CHEK1: variants seen among roughly 807,000 people sequenced by gnomAD.
The protein encoded by CHEK1 is serine/threonine-protein kinase Chk1.
CHEK1 carries 32 observed loss-of-function variants against 60.2 expected under a neutral mutation model. That is an observed-to-expected ratio of 0.53 (90% confidence interval 0.40 to 0.71). The LOEUF (loss-of-function observed/expected upper bound fraction) is 0.71, where lower values mean the gene tolerates loss of function less well. Among genes scored for constraint, CHEK1 ranks in the 30% least tolerant of loss-of-function variants. The probability of loss-of-function intolerance (pLI) is 0.00; values close to 1 mark genes in which losing one functional copy is unlikely to be tolerated. For synonymous variants in CHEK1, 179 were observed against 187.2 expected (o/e 0.96, Z 0.36); for missense variants, 399 against 564.6 (o/e 0.71, Z 2.97).
chr11:125,680,546 T>G (rs553460077), downstream of CHEK1, among the ~76,000 whole-genome samples: 13 of 152,280 alleles, frequency 8.5e-5, no homozygotes, highest in Admixed American at 2.6e-4. Flanking sequence ...CCTCTGACTG[T>G]AAAGCTATGA....
intron 7 of CHEK1, among the ~76,000 whole-genome samples, chr11:125,637,003 G>C: frequency 6.6e-6 from 1 of 152,044 alleles, no homozygotes; most frequent in East Asian, 1.9e-4. Flanking sequence ...TTTTTCTCAA[G>C]AAAATTAAGA....
chr11:125,628,491 G>A (rs1348880581), intron 3 of CHEK1, among the ~76,000 whole-genome samples: 2 of 152,200 alleles, frequency 1.3e-5, no homozygotes, highest in Admixed American at 6.5e-5. Context: ...TCAGGAGAGA[G>A]TTGAGGGTAA....
chr11:125,655,484 C>T lies in CHEK1; in HGVS notation c.*164C>T, dbSNP rs545410689. The T allele has an allele frequency of 4.0e-6, 2 of 496,168 alleles. No individual in the cohort carries two copies. The highest frequency in any genetic ancestry group is 3.3e-5 in the East Asian group (1 of 30,234). 30.7% of individuals were successfully genotyped at this position (496,168 alleles called of 1,614,324 possible). A position where few individuals can be genotyped will look rare whatever the true frequency, so the allele number is the denominator to read the frequency against. On this transcript the variant is annotated 3_prime_UTR_variant, in exon 13 of 13. Coordinates refer to ENST00000438015, the MANE Select transcript of CHEK1 (RefSeq NM_001114122.3). Reference sequence around the variant, plus strand: ...CTTCCAATTTATTTTGTTTGTTCGGCATACAAATAATACCTATATCTTAAT... The same window carrying T: ...CTTCCAATTTATTTTGTTTGTTCGGTATACAAATAATACCTATATCTTAAT...
intron 11 of CHEK1, among the ~76,000 whole-genome samples, chr11:125,651,432 C>A (rs974990668): frequency 6.6e-6 from 1 of 151,838 alleles, no homozygotes; most frequent in Non-Finnish European, 1.5e-5. Flanking sequence ...GGATTACAGG[C>A]GCCTGCCACC....
chr11:125,634,243 C>T (rs1329356917), intron 6 of CHEK1, among the ~76,000 whole-genome samples: 3 of 152,134 alleles, frequency 2.0e-5, no homozygotes, highest in Non-Finnish European at 2.9e-5. Context: ...GATCCCCCAA[C>T]CTCAGCCTCC....
chr11:125,659,129 T>C (rs1197541097), downstream of CHEK1, among the ~76,000 whole-genome samples: 4 of 152,230 alleles, frequency 2.6e-5, no homozygotes, highest in African/African-American at 9.6e-5. Flanking sequence ...ATTATTTTTT[T>C]TCACTAGTCT....
At chr11:125,666,538 C>T (rs1024542694) in intron 13 of CHEK1, among the ~76,000 whole-genome samples, 23 of 152,098 alleles carry the variant, frequency 1.5e-4, no homozygotes, top group African/African-American at 5.6e-4. Context: ...GTATAGTTTA[C>T]CTCTGATGTT....
At chr11:125,630,812 T>G (rs1291658326) in intron 5 of CHEK1, among the ~76,000 whole-genome samples, 1 of 152,224 alleles carries the variant, frequency 6.6e-6, no homozygotes, top group Admixed American at 6.5e-5. Flanking sequence ...TATATAAGAA[T>G]GCTCACAGTG....
intron 5 of CHEK1, among the ~76,000 whole-genome samples, chr11:125,629,777 A>C (rs1490878999): frequency 1.3e-5 from 2 of 151,728 alleles, no homozygotes; most frequent in Non-Finnish European, 2.9e-5. Context: ...TCTGGGGTGC[A>C]CTGTATTATC....
chr11:125,661,457 G>A (rs961331721), downstream of CHEK1, among the ~76,000 whole-genome samples: 6 of 152,044 alleles, frequency 3.9e-5, no homozygotes, highest in Admixed American at 6.6e-5. Context: ...GATTATAGGC[G>A]TGTGCCATCA....
In CHEK1 at chr11:125,625,710, C is replaced by T; in HGVS notation, c.-323C>T. The stretch of plus-strand genomic sequence containing the variant: ...AGCGCTCGAGCACCGCCCAGTCGAG[C>T]CTCACACCGGATGCCACTTCATATT... On this transcript the variant is annotated 5_prime_UTR_variant, in exon 1 of 13. Transcript: ENST00000438015. 1.5e-6 allele frequency: 1 copy of T among 646,040 alleles called. No homozygotes were observed. The highest frequency in any genetic ancestry group is 2.8e-6 in the Non-Finnish European group (1 of 351,146). 40.0% of individuals were successfully genotyped at this position (646,040 alleles called of 1,614,324 possible).
intron 13 of CHEK1, among the ~76,000 whole-genome samples, chr11:125,673,645 T>C (rs1163319007): frequency 6.6e-6 from 1 of 152,218 alleles, no homozygotes; most frequent in East Asian, 1.9e-4. Flanking sequence ...CATGCCAATA[T>C]GCTAAGGGCA....
downstream of CHEK1, among the ~76,000 whole-genome samples, chr11:125,658,754 A>G (rs1941963544): frequency 1.4e-5 from 2 of 139,014 alleles, no homozygotes; most frequent in South Asian, 4.4e-4. Flanking sequence ...CAGTGGCACA[A>G]TCACAGCTCA....
downstream of CHEK1, among the ~76,000 whole-genome samples, chr11:125,658,685 C>CTTTTT (rs67342073): frequency 2.9e-5 from 1 of 34,878 alleles, no homozygotes. Context: ...ATGGCTTTTG[C>CTTTTT]TTTTTTTTTT....
chr11:125,633,123 A>G (rs748533232), intron 5 of CHEK1, 40 bp from the exon 6 acceptor site: 1 of 1,528,092 alleles, frequency 6.5e-7, no homozygotes, highest in South Asian at 1.3e-5. Context: ...TATTTGCAAA[A>G]CATTTTTATT....
At chr11:125,658,685 C>CT (rs67342073), downstream of CHEK1, among the ~76,000 whole-genome samples, 934 of 34,902 alleles carry the variant, frequency 0.027, 51 homozygotes, top group Middle Eastern at 0.038. Context: ...ATGGCTTTTG[C>CT]TTTTTTTTTT....
intron 11 of CHEK1, among the ~76,000 whole-genome samples, chr11:125,646,491 G>A (rs1324870276): frequency 6.6e-6 from 1 of 152,124 alleles, no homozygotes; most frequent in African/African-American, 2.4e-5. Flanking sequence ...ATATATGGAG[G>A]AATAGAATTG....
chr11:125,678,790 G>A (rs1286569581), downstream of CHEK1, among the ~76,000 whole-genome samples: 6 of 151,532 alleles, frequency 4.0e-5, no homozygotes, highest in Admixed American at 2.0e-4. Context: ...AATTAAGGGC[G>A]GAAGAGTTAA....
intron 5 of CHEK1, among the ~76,000 whole-genome samples, chr11:125,631,771 T>C (rs151013601): frequency 1.9e-4 from 28 of 146,920 alleles, no homozygotes; most frequent in African/African-American, 6.6e-4. Flanking sequence ...AGCAGGAGGA[T>C]TGATCACTTC....
Sources: gnomAD v4.1 joint callset for allele counts (sites outside exome capture counted in the v4.1 genomes callset) on GRCh38, gnomAD v4.1.1 for gene constraint, MANE v1.5 for transcripts, NCBI Gene and HGNC (gene_info 2026-07-23, HGNC 2026-07-21) for gene names.